Variants in NXPH2 observed in about 807,000 individuals in gnomAD.
NXPH2 encodes neurexophilin-2.
In NXPH2, 5 loss-of-function variants were observed where a neutral mutation model predicts 19.8. That is an observed-to-expected ratio of 0.25 (90% CI 0.13 to 0.53). The LOEUF is 0.53. Ranked by LOEUF, NXPH2 falls within the 20% of genes least tolerant of loss-of-function variation. The pLI, the probability that NXPH2 is intolerant of heterozygous loss-of-function variation, is 0.96. For synonymous variants in NXPH2, 154 were observed against 127.4 expected, an observed-to-expected ratio of 1.21 and a Z score of -1.41; for missense variants, 289 against 322.8, an observed-to-expected ratio of 0.90 and a Z score of 0.80.
chr2:138,771,349 G>A (rs1682171340), intron 1 of NXPH2, among the ~76,000 whole-genome samples: 1 of 151,894 alleles, frequency 6.6e-6, no homozygotes, highest in Non-Finnish European at 1.5e-5. Context: ...TATTATAAAA[G>A]CATACATATC....
intron 1 of NXPH2, among the ~76,000 whole-genome samples, chr2:138,731,459 G>A (rs546058104): frequency 1.1e-4 from 16 of 152,022 alleles, no homozygotes; most frequent in Non-Finnish European, 2.2e-4. Context: ...AGAACATAGT[G>A]GCAACTCACA....
intron 1 of NXPH2, among the ~76,000 whole-genome samples, chr2:138,774,666 C>T (rs1451570081): frequency 1.3e-5 from 2 of 152,192 alleles, no homozygotes; most frequent in East Asian, 3.8e-4. Flanking sequence ...CTCACAGGTG[C>T]ACATGTGCAC....
intron 1 of NXPH2, among the ~76,000 whole-genome samples, chr2:138,680,101 G>C (rs1327942323): frequency 6.6e-6 from 1 of 152,124 alleles, no homozygotes; most frequent in East Asian, 1.9e-4. Flanking sequence ...CAAGAGACAG[G>C]AACAGAAGTG....
chr2:138,690,803 G>A (rs1355476988), intron 1 of NXPH2, among the ~76,000 whole-genome samples: 1 of 152,238 alleles, frequency 6.6e-6, no homozygotes, highest in Non-Finnish European at 1.5e-5. Context: ...GGAGGGTAGT[G>A]TCTAGAGGAG....
intron 1 of NXPH2, among the ~76,000 whole-genome samples, chr2:138,683,152 C>T (rs1468375894): frequency 6.6e-6 from 1 of 152,018 alleles, no homozygotes; most frequent in East Asian, 1.9e-4. Context: ...TTTGCGAAGT[C>T]AAACAAGGTA....
At chr2:138,720,827 G>A (rs1186883179) in intron 1 of NXPH2, among the ~76,000 whole-genome samples, 1 of 152,178 alleles carries the variant, frequency 6.6e-6, no homozygotes, top group African/African-American at 2.4e-5. Context: ...TAGAGCTGTT[G>A]TGAACATTAA....
intron 1 of NXPH2, among the ~76,000 whole-genome samples, chr2:138,704,454 T>G (rs1430599550): frequency 6.6e-6 from 1 of 152,214 alleles, no homozygotes; most frequent in East Asian, 1.9e-4. Flanking sequence ...TTTAATCATT[T>G]GATTGTGCAT....
At chr2:138,689,556 A>G (rs1680714509) in intron 1 of NXPH2, among the ~76,000 whole-genome samples, 1 of 152,218 alleles carries the variant, frequency 6.6e-6, no homozygotes, top group Non-Finnish European at 1.5e-5. Context: ...AGTACCAAGG[A>G]AGAAATTATT....
intron 1 of NXPH2, among the ~76,000 whole-genome samples, chr2:138,698,750 A>G (rs1680867586): frequency 6.6e-6 from 1 of 152,116 alleles, no homozygotes. Context: ...GCTACTTGGG[A>G]GATGGAGGCA....
chr2:138,745,555 T>C (rs1482938123), intron 1 of NXPH2, among the ~76,000 whole-genome samples: 1 of 150,942 alleles, frequency 6.6e-6, no homozygotes, highest in African/African-American at 2.5e-5. Context: ...ACGCAAAAAG[T>C]TAATTGTGTA....
At chr2:138,705,621 T>C (rs960937411) in intron 1 of NXPH2, among the ~76,000 whole-genome samples, 4 of 152,226 alleles carry the variant, frequency 2.6e-5, no homozygotes, top group Non-Finnish European at 4.4e-5. Context: ...TCATCCTGCC[T>C]GTCTTTGAAC....
chr2:138,679,559 C>A (rs1177718981), intron 1 of NXPH2, among the ~76,000 whole-genome samples: 1 of 152,088 alleles, frequency 6.6e-6, no homozygotes, highest in Non-Finnish European at 1.5e-5. Flanking sequence ...CGCCACCACG[C>A]CCGGCTAATT....
intron 1 of NXPH2, among the ~76,000 whole-genome samples, chr2:138,769,522 C>A (rs1682142496): frequency 6.6e-6 from 1 of 152,132 alleles, no homozygotes; most frequent in African/African-American, 2.4e-5. Context: ...CCCCAGAAGA[C>A]ACAAAGAAGA....
intron 1 of NXPH2, among the ~76,000 whole-genome samples, chr2:138,690,029 C>T (rs1680724273): frequency 6.6e-6 from 1 of 152,254 alleles, no homozygotes; most frequent in South Asian, 2.1e-4. Flanking sequence ...ATGTAAACTT[C>T]CCCTTAACAA....
chr2:138,674,510 T>A (rs1372066068), intron 1 of NXPH2, among the ~76,000 whole-genome samples: 2 of 152,130 alleles, frequency 1.3e-5, no homozygotes, highest in Admixed American at 6.5e-5. Context: ...GGTCTTGAAC[T>A]CCAGCCTCAA....
At chr2:138,771,182 TTAAA>T (rs1373999479) in intron 1 of NXPH2, among the ~76,000 whole-genome samples, 2 of 152,010 alleles carry the variant, frequency 1.3e-5, no homozygotes, top group Non-Finnish European at 2.9e-5. Flanking sequence ...TCAAAACAAT[TTAAA>T]TATTAATTAG....
chr2:138,739,537 G>A (rs1681611127), intron 1 of NXPH2, among the ~76,000 whole-genome samples: 1 of 152,204 alleles, frequency 6.6e-6, no homozygotes, highest in South Asian at 2.1e-4. Flanking sequence ...GAAATGGCAA[G>A]TGGTCCTGCA....
intron 1 of NXPH2, among the ~76,000 whole-genome samples, chr2:138,701,192 G>C (rs905574543): frequency 6.6e-6 from 1 of 152,130 alleles, no homozygotes; most frequent in Non-Finnish European, 1.5e-5. Flanking sequence ...TGGCCCAAGT[G>C]GGTGAGAAGT....
chr2:138,686,766 T>TCCC (rs1680662165), intron 1 of NXPH2, among the ~76,000 whole-genome samples: 1 of 152,138 alleles, frequency 6.6e-6, no homozygotes, highest in Non-Finnish European at 1.5e-5. Context: ...GTGTTCTCAT[T>TCCC]GTTCAATTCC....
Sources: allele counts gnomAD v4.1 joint callset (sites outside exome capture counted in the v4.1 genomes callset), GRCh38; gene constraint gnomAD v4.1.1; transcripts MANE v1.5; gene names NCBI Gene and HGNC (gene_info 2026-07-23, HGNC 2026-07-21).